The following RIN2 variants were observed in gnomAD, a reference collection of about 807,000 sequenced individuals.
The protein encoded by RIN2 is Ras and Rab interactor 2, also known as RAB5 interacting protein 2.
RIN2 carries 36 observed loss-of-function variants against 78.0 expected under a neutral mutation model. The observed-to-expected ratio is 0.46, with a 90% CI of 0.35 to 0.61. RIN2 has a LOEUF of 0.61. RIN2 is among the 20% of genes least tolerant of loss of function. The probability of loss-of-function intolerance (pLI) is 0.00; values close to 1 mark genes in which losing one functional copy is unlikely to be tolerated. For missense variants in RIN2, 1,087 were observed against 1,159.7 expected (o/e 0.94, Z 0.91); for synonymous variants, 466 against 466.8 (o/e 1.00, Z 0.02).
chr20:19,922,143 GGCGT>G (rs2039951033), intron 3 of RIN2, among the ~76,000 whole-genome samples: 1 of 152,204 alleles, frequency 6.6e-6, no homozygotes, highest in Non-Finnish European at 1.5e-5. Flanking sequence ...TAGGATTACA[GGCGT>G]GAGCCACTGC....
At chr20:19,798,013 G>A (rs796164612) in intron 1 of RIN2, among the ~76,000 whole-genome samples, 3 of 151,860 alleles carry the variant, frequency 2.0e-5, no homozygotes, top group African/African-American at 7.2e-5. Context: ...CACCACGCCC[G>A]GCTAATTTTT....
intron 11 of RIN2, among the ~76,000 whole-genome samples, chr20:19,995,014 G>A (rs1407470387): frequency 6.6e-6 from 1 of 152,040 alleles, no homozygotes; most frequent in East Asian, 1.9e-4. Flanking sequence ...AAACAAGAAG[G>A]GTATTTTTCT....
At chr20:19,952,290 G>C (rs1175623893) in intron 4 of RIN2, among the ~76,000 whole-genome samples, 3 of 152,204 alleles carry the variant, frequency 2.0e-5, no homozygotes, top group African/African-American at 7.2e-5. Flanking sequence ...GGGCAGCTGT[G>C]AGCTTTCCAC....
intron 11 of RIN2, among the ~76,000 whole-genome samples, chr20:19,996,116 C>T (rs1359191613): frequency 6.6e-6 from 1 of 152,146 alleles, no homozygotes; most frequent in Non-Finnish European, 1.5e-5. Flanking sequence ...AGGTTCAAGA[C>T]CAGCCTGGCC....
chr20:19,898,597 A>G (rs2038844071), intron 3 of RIN2, among the ~76,000 whole-genome samples: 1 of 152,236 alleles, frequency 6.6e-6, no homozygotes, highest in African/African-American at 2.4e-5. Context: ...CTGAGTTAAA[A>G]TCCAAACTGG....
At chr20:19,858,811 G>A (rs79487989) in intron 2 of RIN2, among the ~76,000 whole-genome samples, 4,443 of 152,278 alleles carry the variant, frequency 0.029, 104 homozygotes, top group Middle Eastern at 0.071. Context: ...AAGGGTAAAT[G>A]TTTGGGTCTG....
intron 3 of RIN2, among the ~76,000 whole-genome samples, chr20:19,911,272 C>T (rs1256081209): frequency 6.6e-5 from 10 of 152,062 alleles, no homozygotes; most frequent in East Asian, 5.8e-4. Context: ...AGGCTGGTCT[C>T]GAACTCCTGA....
intron 2 of RIN2, among the ~76,000 whole-genome samples, chr20:19,880,118 G>A (rs1306438506): frequency 6.6e-6 from 1 of 151,950 alleles, no homozygotes; most frequent in African/African-American, 2.4e-5. Flanking sequence ...GCATGGTGGT[G>A]CACACCTGTG....
intron 9 of RIN2, among the ~76,000 whole-genome samples, chr20:19,976,069 G>A (rs1452218469): frequency 6.6e-6 from 1 of 152,214 alleles, no homozygotes; most frequent in African/African-American, 2.4e-5. Context: ...GTGGTAACGT[G>A]TGTGTGTTAC....
Position 19,974,558 on chromosome 20 carries a change from C to A in RIN2, c.629-96C>A, listed in dbSNP as rs552013564. ...GCACCCCCTACCCCACCCCGCAAGA[C>A]TCGCGTTGTCATGCAGTGTGCTTTT... On this transcript the variant is annotated intron_variant, in intron 8 of 12. Coordinates refer to ENST00000255006, the MANE Select transcript of RIN2 (RefSeq NM_018993.4). The A allele has an allele frequency of 2.0e-5, 25 of 1,259,952 alleles. No homozygotes were observed. In the South Asian group the frequency reaches 3.6e-4, roughly 18 times the overall value. 78.0% of individuals were successfully genotyped at this position (1,259,952 alleles called of 1,614,324 possible). A position where few individuals can be genotyped will look rare whatever the true frequency, so the allele number is the denominator to read the frequency against.
In RIN2 at chr20:19,935,619, AC is replaced by A. The variant is rs1432209151; in HGVS notation, c.158+424del. The A allele has an allele frequency of 1.1e-5, 11 of 990,604 alleles. No homozygotes were observed. In the South Asian group the frequency reaches 4.2e-4, roughly 38 times the overall value. 61.4% of individuals were successfully genotyped at this position (990,604 alleles called of 1,614,324 possible). A position where few individuals can be genotyped will look rare whatever the true frequency, so the allele number is the denominator to read the frequency against. Reference sequence around the variant, plus strand: ...TTTTGCATTCTCAGGTCAGAGAAAAACCCCAGCAGTCTCCAAAAAACCATTA... The same window carrying A: ...TTTTGCATTCTCAGGTCAGAGAAAAACCCAGCAGTCTCCAAAAAACCATTA... On this transcript the variant is annotated intron_variant, in intron 4 of 12. Transcript: ENST00000255006.
chr20:19,956,273 A>G (rs900317030), intron 4 of RIN2, among the ~76,000 whole-genome samples: 147 of 151,362 alleles, frequency 9.7e-4, no homozygotes, highest in Middle Eastern at 6.8e-3. Context: ...AAAAAAAAAA[A>G]AAAAGAAAAG....
At chr20:19,921,258 C>G (rs765766662) in intron 3 of RIN2, among the ~76,000 whole-genome samples, 1 of 152,180 alleles carries the variant, frequency 6.6e-6, no homozygotes, top group East Asian at 1.9e-4. Context: ...CAGAAGAGAA[C>G]CGCTGCCTCC....
At chr20:19,764,275 G>A (rs990121880) in intron 1 of RIN2, among the ~76,000 whole-genome samples, 7 of 152,126 alleles carry the variant, frequency 4.6e-5, no homozygotes, top group African/African-American at 1.7e-4. Flanking sequence ...ACTATGGCTC[G>A]ATTACAAGAA....
At chr20:19,869,384 A>G (rs1447270612) in intron 2 of RIN2, among the ~76,000 whole-genome samples, 1 of 152,174 alleles carries the variant, frequency 6.6e-6, no homozygotes, top group Non-Finnish European at 1.5e-5. Context: ...CTTTTGTGAC[A>G]TGGTGAGGTG....
At chr20:19,865,969 T>G (rs1476997950) in intron 2 of RIN2, among the ~76,000 whole-genome samples, 1 of 152,100 alleles carries the variant, frequency 6.6e-6, no homozygotes, top group East Asian at 1.9e-4. Context: ...GGGATGGTTT[T>G]GGGATGATTC....
intron 1 of RIN2, among the ~76,000 whole-genome samples, chr20:19,774,708 C>T (rs2034253221): frequency 6.6e-6 from 1 of 152,216 alleles, no homozygotes; most frequent in African/African-American, 2.4e-5. Context: ...TCTCCATGGC[C>T]ATTGTCCCAT....
chr20:19,773,327 A>G (rs1456523873), intron 1 of RIN2, among the ~76,000 whole-genome samples: 1 of 152,210 alleles, frequency 6.6e-6, no homozygotes, highest in Non-Finnish European at 1.5e-5. Flanking sequence ...GAACTCCAAC[A>G]TATCTCTTTG....
At chr20:19,830,241 G>A (rs1460600578) in intron 2 of RIN2, among the ~76,000 whole-genome samples, 1 of 151,260 alleles carries the variant, frequency 6.6e-6, no homozygotes, top group Non-Finnish European at 1.5e-5. Flanking sequence ...TGAGACTGCT[G>A]GTTTCTCTAA....
Sources: allele counts gnomAD v4.1 joint callset (sites outside exome capture counted in the v4.1 genomes callset), GRCh38; gene constraint gnomAD v4.1.1; transcripts MANE v1.5; gene names NCBI Gene and HGNC (gene_info 2026-07-23, HGNC 2026-07-21).